Variants in LINGO2 observed in about 807,000 individuals in gnomAD.
The protein encoded by LINGO2 is leucine-rich repeat and immunoglobulin-like domain-containing nogo receptor-interacting protein 2.
A neutral mutation model predicts 30.6 loss-of-function variants in LINGO2; 14 were observed. The observed-to-expected ratio is 0.46, with a 90% confidence interval of 0.30 to 0.72. The LOEUF is 0.72. Ranked by LOEUF, LINGO2 falls within the 30% of genes least tolerant of loss-of-function variation. The pLI is 0.07. For synonymous variants in LINGO2, 317 were observed against 288.5 expected (o/e 1.10, Z -1.00); for missense variants, 729 against 751.7 (o/e 0.97, Z 0.35).
At chr9:28,806,831 A>C in the LINGO2 span, among the ~76,000 whole-genome samples, 12 of 152,160 alleles carry the variant, frequency 7.9e-5, no homozygotes, top group African/African-American at 2.9e-4. Context: ...GCCTCCTGTA[A>C]AGTCCTTTTC....
At chr9:28,091,143 G>C (rs899250895) in intron 4 of LINGO2, among the ~76,000 whole-genome samples, 2 of 152,086 alleles carry the variant, frequency 1.3e-5, no homozygotes, top group African/African-American at 4.8e-5. Context: ...TATTGCCCAA[G>C]GTAATTTATA....
intron 4 of LINGO2, among the ~76,000 whole-genome samples, chr9:28,042,041 C>T (rs1824220595): frequency 6.6e-6 from 1 of 152,136 alleles, no homozygotes; most frequent in Non-Finnish European, 1.5e-5. Flanking sequence ...TCAGTTTCAT[C>T]ATCTGTAAAA....
rs145813771 is a variant in LINGO2 at position 28,110,798 on chromosome 9, T to A, written c.-86-98393A>T. ...TTTACACTGTTAGTGGGAGTGTAAA[T>A]TAGTTCATCCATTTTGGAAGACAGT... is the stretch of plus-strand genomic sequence containing the variant. On this transcript the variant is annotated intron_variant, in intron 4 of 5. Transcript: ENST00000379992. 9.9e-3 allele frequency among the ~76,000 whole-genome samples: 1,505 copies of A among 152,212 alleles called. 33 individuals carry two copies. Among genetic ancestry groups the A allele is most frequent in the African/African-American group, 0.032 (1,328 of 41,524 alleles).
At chr9:28,309,789 C>A (rs865855342) in intron 3 of LINGO2, among the ~76,000 whole-genome samples, 1 of 151,184 alleles carries the variant, frequency 6.6e-6, no homozygotes, top group Non-Finnish European at 1.5e-5. Context: ...TGTAAAATAC[C>A]TAAAGAACTC....
intron 4 of LINGO2, among the ~76,000 whole-genome samples, chr9:28,012,821 C>G (rs1288618369): frequency 1.3e-5 from 2 of 152,016 alleles, no homozygotes; most frequent in East Asian, 3.9e-4. Flanking sequence ...TATCTCCATT[C>G]AAAAACTGTC....
At chr9:28,933,935 T>A in the LINGO2 span, among the ~76,000 whole-genome samples, 1 of 152,226 alleles carries the variant, frequency 6.6e-6, no homozygotes, top group Non-Finnish European at 1.5e-5. Context: ...CCCATTGCAA[T>A]GATCTATTCC....
intron 4 of LINGO2, among the ~76,000 whole-genome samples, chr9:28,030,942 T>C (rs930701759): frequency 9.8e-5 from 15 of 152,318 alleles, no homozygotes; most frequent in Middle Eastern, 3.4e-3. Context: ...CAAGGCCACA[T>C]TGCACTTTGA....
intron 4 of LINGO2, among the ~76,000 whole-genome samples, chr9:28,101,458 G>A (rs907854090): frequency 6.6e-6 from 1 of 152,144 alleles, no homozygotes; most frequent in African/African-American, 2.4e-5. Context: ...GGGAGAAAAA[G>A]GCTTCTAATT....
chr9:28,292,566 G>A (rs1052573673), intron 4 of LINGO2, among the ~76,000 whole-genome samples: 13 of 151,394 alleles, frequency 8.6e-5, no homozygotes, highest in Admixed American at 3.3e-4. Context: ...GGGTTCAAGC[G>A]ATTCTCCTGC....
intron 1 of LINGO2, among the ~76,000 whole-genome samples, chr9:28,554,111 T>C (rs1822490123): frequency 1.3e-5 from 2 of 151,388 alleles, no homozygotes; most frequent in Admixed American, 1.3e-4. Flanking sequence ...AATCACCAGC[T>C]AACATCATAA....
At chr9:28,777,001 C>G in the LINGO2 span, among the ~76,000 whole-genome samples, 14 of 152,012 alleles carry the variant, frequency 9.2e-5, no homozygotes, top group African/African-American at 3.4e-4. Context: ...CTCACGAGAT[C>G]TGGTTGTTTA....
chr9:28,305,464 T>G (rs193301712), intron 3 of LINGO2, among the ~76,000 whole-genome samples: 9 of 151,608 alleles, frequency 5.9e-5, no homozygotes, highest in African/African-American at 1.9e-4. Context: ...TAAAAATCTA[T>G]TGGAATCTAC....
intron 4 of LINGO2, among the ~76,000 whole-genome samples, chr9:28,170,097 C>T (rs192090677): frequency 2.0e-3 from 302 of 152,300 alleles, no homozygotes; most frequent in African/African-American, 6.8e-3. Context: ...TGCTAAGTTT[C>T]TATCACTTGG....
At chr9:28,475,069 C>T (rs1449576707) in intron 2 of LINGO2, among the ~76,000 whole-genome samples, 1 of 151,980 alleles carries the variant, frequency 6.6e-6, no homozygotes, top group African/African-American at 2.4e-5. Context: ...AAGCACTGAG[C>T]TCTAATACAT....
the LINGO2 span, among the ~76,000 whole-genome samples, chr9:28,767,122 T>A: frequency 1.3e-5 from 2 of 152,168 alleles, no homozygotes; most frequent in South Asian, 4.1e-4. Flanking sequence ...GGTCAAAGAG[T>A]ACAAACTTTC....
chr9:28,618,336 A>G (rs1826232986), intron 1 of LINGO2, among the ~76,000 whole-genome samples: 1 of 152,040 alleles, frequency 6.6e-6, no homozygotes, highest in African/African-American at 2.4e-5. Context: ...TACACATTCA[A>G]TCATTAGCAT....
At chr9:28,589,833 C>T (rs62559759) in intron 1 of LINGO2, among the ~76,000 whole-genome samples, 26,753 of 151,856 alleles carry the variant, frequency 0.18, 2,721 homozygotes, top group Admixed American at 0.29. Context: ...AAAAAGAGCC[C>T]GCATTGCCAA....
chr9:29,026,558 A>G, the LINGO2 span, among the ~76,000 whole-genome samples: 3 of 152,140 alleles, frequency 2.0e-5, no homozygotes, highest in Non-Finnish European at 4.4e-5. Context: ...TAGAAAAAAC[A>G]GTATAGATAT....
At chr9:28,754,599 C>T in the LINGO2 span, among the ~76,000 whole-genome samples, 3 of 151,598 alleles carry the variant, frequency 2.0e-5, no homozygotes, top group Non-Finnish European at 4.4e-5. Context: ...CAGAGACTAG[C>T]ATTCTGAAAC....
Sources: gnomAD v4.1 joint callset for allele counts (sites outside exome capture counted in the v4.1 genomes callset) on GRCh38, gnomAD v4.1.1 for gene constraint, MANE v1.5 for transcripts, NCBI Gene and HGNC (gene_info 2026-07-23, HGNC 2026-07-21) for gene names.